FAM135B: variants seen among roughly 807,000 people sequenced by gnomAD.
FAM135B encodes protein FAM135B.
Under a neutral mutation model 127.7 loss-of-function variants are expected in FAM135B, and 43 were observed. That is an observed-to-expected ratio of 0.34 (90% CI 0.26 to 0.43). The LOEUF (loss-of-function observed/expected upper bound fraction) is 0.43, where lower values mean the gene tolerates loss of function less well. Ranked by LOEUF, FAM135B falls within the 20% of genes least tolerant of loss-of-function variation. The pLI is 1.00. For missense variants in FAM135B, 1,558 were observed against 1,725.6 expected, an observed-to-expected ratio of 0.90 and a Z score of 1.72; for synonymous variants, 670 against 665.1, an observed-to-expected ratio of 1.01 and a Z score of -0.11.
At chr8:138,414,968 G>T (rs771799007) in intron 1 of FAM135B, among the ~76,000 whole-genome samples, 1 of 152,148 alleles carries the variant, frequency 6.6e-6, no homozygotes, top group Non-Finnish European at 1.5e-5. Flanking sequence ...GGACCTTAAA[G>T]GGTCCAGAAT....
intron 1 of FAM135B, among the ~76,000 whole-genome samples, chr8:138,381,079 A>G (rs1831824382): frequency 1.3e-5 from 2 of 152,164 alleles, no homozygotes; most frequent in Admixed American, 1.3e-4. Flanking sequence ...TCCTTAGAGT[A>G]TGAGCTCTGC....
intron 1 of FAM135B, among the ~76,000 whole-genome samples, chr8:138,443,772 T>C (rs1199683168): frequency 6.6e-6 from 1 of 152,174 alleles, no homozygotes; most frequent in Admixed American, 6.5e-5. Context: ...GCTAACATCA[T>C]AATGACAGGA....
In FAM135B at chr8:138,294,657, C is replaced by T. The variant is rs566418694; in HGVS notation, c.157+16184G>A. On this transcript the variant is annotated intron_variant, in intron 3 of 19. Coordinates refer to ENST00000395297, the MANE Select transcript of FAM135B (RefSeq NM_015912.4). ...AATTAATGAAATAGCAACATATTTA[C>T]AATCCATAACATTAAAAAGATATTA... is the stretch of plus-strand genomic sequence containing the variant. Among the ~76,000 whole-genome samples, 8 of 152,254 alleles carry T rather than the reference C, an allele frequency of 5.3e-5. No homozygotes were observed. The East Asian group carries it at 1.5e-3, about 29-fold the overall frequency.
At position 138,241,438 on chromosome 8, in the gene FAM135B, A is replaced by G. The variant is rs115039163; in HGVS notation, c.669+1504T>C. On this transcript the variant is annotated intron_variant, in intron 7 of 19. Transcript: ENST00000395297. This position sits in a 1 kb window ranked among gnomAD's most constrained non-coding sequence, Gnocchi z 4.8. ...AGGTCCCCTCAGCAGGTTCTTGACA[A>G]CTCTTTTCTTTGCTTCTCAGGACCA... Among the ~76,000 whole-genome samples the G allele has an allele frequency of 4.9e-4, 75 of 151,920 alleles. No homozygotes were observed. The highest frequency in any genetic ancestry group is 1.8e-3 in the African/African-American group (74 of 41,404).
At chr8:138,326,671 T>C (rs1827814164) in intron 2 of FAM135B, among the ~76,000 whole-genome samples, 1 of 152,102 alleles carries the variant, frequency 6.6e-6, no homozygotes, top group Non-Finnish European at 1.5e-5. Flanking sequence ...ATCAAAGGCA[T>C]GAAGTGAAAA....
chr8:138,398,692 G>C (rs1457239921), intron 1 of FAM135B, among the ~76,000 whole-genome samples: 1 of 152,168 alleles, frequency 6.6e-6, no homozygotes, highest in East Asian at 1.9e-4. Flanking sequence ...TCCAAAGAGG[G>C]GGGCATCGAC....
At chr8:138,272,941 T>C (rs1223134737) in intron 3 of FAM135B, among the ~76,000 whole-genome samples, 1 of 152,210 alleles carries the variant, frequency 6.6e-6, no homozygotes, top group Non-Finnish European at 1.5e-5. Flanking sequence ...TTACCCAGTG[T>C]AAGCCTCAGT....
intron 11 of FAM135B, among the ~76,000 whole-genome samples, chr8:138,171,706 T>C (rs755432689): frequency 1.3e-5 from 2 of 152,170 alleles, no homozygotes; most frequent in Non-Finnish European, 2.9e-5. Context: ...CTGGACTCTA[T>C]GTGGGCAATG....
At chr8:138,175,335 C>G (rs941315286) in intron 11 of FAM135B, among the ~76,000 whole-genome samples, 2 of 144,642 alleles carry the variant, frequency 1.4e-5, no homozygotes, top group Non-Finnish European at 3.0e-5. Context: ...GATCTTTAAA[C>G]ACATTGTGTT....
intron 1 of FAM135B, among the ~76,000 whole-genome samples, chr8:138,425,864 T>C (rs1834810492): frequency 6.6e-6 from 1 of 151,080 alleles, no homozygotes; most frequent in Admixed American, 6.6e-5. Flanking sequence ...AAATATACTA[T>C]GGGGTCTGTC....
At chr8:138,342,275 CAGAT>C (rs1480894664) in intron 2 of FAM135B, among the ~76,000 whole-genome samples, 3 of 152,028 alleles carry the variant, frequency 2.0e-5, no homozygotes, top group African/African-American at 7.2e-5. Flanking sequence ...GCATGAGTGA[CAGAT>C]AGAGAAAATG....
In FAM135B at chr8:138,198,136, G is replaced by T. The variant is rs567014948; in HGVS notation, c.670-467C>A. On this transcript the variant is annotated intron_variant, in intron 7 of 19. Transcript: ENST00000395297. ...GAGGTAATTGAATCACGGGGGCGGG[G>T]TTTTTCCATGCTGTTCTCATGATAG... 2.0e-5 allele frequency among the ~76,000 whole-genome samples: 3 copies of T among 152,228 alleles called. No homozygotes were observed. The South Asian group carries it at 6.2e-4, about 32-fold the overall frequency.
intron 7 of FAM135B, among the ~76,000 whole-genome samples, chr8:138,198,863 A>G (rs1328683210): frequency 6.6e-6 from 1 of 152,184 alleles, no homozygotes; most frequent in East Asian, 1.9e-4. Flanking sequence ...ATCGTGTGGG[A>G]AAAGGCCTGG....
chr8:138,469,222 AAGAG>A (rs1178804351), intron 1 of FAM135B, among the ~76,000 whole-genome samples: 2 of 151,130 alleles, frequency 1.3e-5, no homozygotes, highest in Non-Finnish European at 2.9e-5. Context: ...GAAAGAAAGA[AAGAG>A]AGAGAGAAAG....
chr8:138,416,780 C>T (rs1834181470), intron 1 of FAM135B, among the ~76,000 whole-genome samples: 1 of 151,910 alleles, frequency 6.6e-6, no homozygotes, highest in Admixed American at 6.6e-5. Context: ...AACAGATCTC[C>T]AGAAAGAAGG....
At chr8:138,199,047 G>C (rs1390346633) in intron 7 of FAM135B, among the ~76,000 whole-genome samples, 1 of 152,148 alleles carries the variant, frequency 6.6e-6, no homozygotes, top group Non-Finnish European at 1.5e-5. Flanking sequence ...GAGTGAGTCT[G>C]CACAGCCAAT....
chr8:138,161,640 A>G (rs1374548084), intron 12 of FAM135B, among the ~76,000 whole-genome samples: 1 of 152,230 alleles, frequency 6.6e-6, no homozygotes, highest in Non-Finnish European at 1.5e-5. Context: ...TGCAGGAAGC[A>G]TTAAGACATG....
chr8:138,155,221 A>T (rs1586625791), intron 12 of FAM135B, among the ~76,000 whole-genome samples: 1 of 152,284 alleles, frequency 6.6e-6, no homozygotes, highest in Non-Finnish European at 1.5e-5. Context: ...GGAGAAATAA[A>T]ATCCTTTACA....
At chr8:138,482,798 G>T (rs1358767034) in intron 1 of FAM135B, among the ~76,000 whole-genome samples, 2 of 152,156 alleles carry the variant, frequency 1.3e-5, no homozygotes, top group African/African-American at 4.8e-5. Flanking sequence ...TTCAGAGCCA[G>T]TGTTCCTATC....
Sources: gnomAD v4.1 joint callset for allele counts (sites outside exome capture counted in the v4.1 genomes callset) on GRCh38, gnomAD v4.1.1 for gene constraint, Gnocchi (gnomAD v3.1) non-coding constraint, MANE v1.5 for transcripts, NCBI Gene and HGNC (gene_info 2026-07-23, HGNC 2026-07-21) for gene names.